BTD: variants seen among roughly 807,000 people sequenced by gnomAD.
BTD encodes the protein biocytinase.
Under a neutral mutation model 17.7 loss-of-function variants are expected in BTD, and 13 were observed. That is an observed-to-expected ratio of 0.74 (90% CI 0.48 to 1.17). The LOEUF is 1.17. Ranked by LOEUF, BTD falls within the 50% of genes most tolerant of loss-of-function variation. The pLI, the probability that BTD is intolerant of heterozygous loss-of-function variation, is 0.00. For missense variants in BTD, 674 were observed against 650.4 expected (o/e 1.04, Z -0.39); for synonymous variants, 240 against 245.2 (o/e 0.98, Z 0.20).
intron 3 of BTD, among the ~76,000 whole-genome samples, chr3:15,705,298 G>T (rs1253736181): frequency 1.3e-5 from 2 of 152,174 alleles, no homozygotes; most frequent in Non-Finnish European, 2.9e-5. Flanking sequence ...CAACACTATG[G>T]GTTGAATTAT....
At chr3:15,664,455 C>T (rs567339968) in intron 3 of BTD, among the ~76,000 whole-genome samples, 6 of 152,282 alleles carry the variant, frequency 3.9e-5, no homozygotes, top group African/African-American at 1.2e-4. Context: ...GGCAACTAAT[C>T]CAAGTTAAAA....
At chr3:15,671,887 A>G (rs1482698098) in intron 3 of BTD, among the ~76,000 whole-genome samples, 3 of 152,050 alleles carry the variant, frequency 2.0e-5, no homozygotes, top group Admixed American at 2.0e-4. Context: ...CCCAGCCTAC[A>G]GTTTAGAGTT....
At chr3:15,709,182 G>C (rs116242538) in intron 3 of BTD, among the ~76,000 whole-genome samples, 42 of 152,248 alleles carry the variant, frequency 2.8e-4, no homozygotes, top group African/African-American at 9.6e-4. Flanking sequence ...ATGTGTGTGA[G>C]AGATTTATAT....
chr3:15,708,075 C>A, intron 3 of BTD: 1 of 1,588,730 alleles, frequency 6.3e-7, no homozygotes, highest in South Asian at 1.1e-5. Flanking sequence ...CTTTTGGGTC[C>A]AAGTTAATAC....
In BTD at chr3:15,662,559, C is replaced by T. The variant is rs888891353; in HGVS notation, c.399+20502C>T. Among the ~76,000 whole-genome samples the T allele has an allele frequency of 2.6e-5, 4 of 152,270 alleles. No homozygotes were observed. In the South Asian group the frequency reaches 8.3e-4, roughly 32 times the overall value. On this transcript the variant is annotated intron_variant, in intron 3 of 3. Coordinates refer to the BTD transcript ENST00000672141. ...TGTCATTTGTGAAAATGTTTTACTTCTTCCTTTCTAACCTGCATACTTTTT... is the reference window on the plus strand; with the variant it reads ...TGTCATTTGTGAAAATGTTTTACTTTTTCCTTTCTAACCTGCATACTTTTT...
At chr3:15,661,236 A>G (rs1047564863) in intron 3 of BTD, among the ~76,000 whole-genome samples, 2 of 141,106 alleles carry the variant, frequency 1.4e-5, no homozygotes, top group African/African-American at 5.4e-5. Context: ...ACTGCACTCC[A>G]GGCTGGGCAA....
chr3:15,607,624 T>C (rs954699684), intron 1 of BTD, among the ~76,000 whole-genome samples: 2 of 152,264 alleles, frequency 1.3e-5, no homozygotes, highest in Non-Finnish European at 2.9e-5. Context: ...GAACTTGTGA[T>C]TAAGTATTCT....
intron 3 of BTD, chr3:15,677,645 T>A: frequency 3.8e-6 from 4 of 1,048,314 alleles, no homozygotes; most frequent in Admixed American, 2.5e-5. Flanking sequence ...GAAATGAAGA[T>A]ACAAAGCAAA....
intron 3 of BTD, among the ~76,000 whole-genome samples, chr3:15,709,010 T>G (rs1444794795): frequency 6.6e-6 from 1 of 152,200 alleles, no homozygotes; most frequent in African/African-American, 2.4e-5. Flanking sequence ...TCCTGTATGG[T>G]TCTAATGCAC....
At chr3:15,667,291 A>T (rs1018875611) in intron 3 of BTD, 2 of 152,202 alleles carry the variant, frequency 1.3e-5, no homozygotes, top group Non-Finnish European at 2.9e-5. Flanking sequence ...AGCCAAATTA[A>T]CCCCAAAATT....
At chr3:15,705,431 G>C (rs1244085368) in intron 3 of BTD, among the ~76,000 whole-genome samples, 1 of 152,176 alleles carries the variant, frequency 6.6e-6, no homozygotes, top group African/African-American at 2.4e-5. Flanking sequence ...TCTCTCAGCG[G>C]AATCTGGATC....
chr3:15,717,559 T>A (rs910071082), downstream of BTD, among the ~76,000 whole-genome samples: 1 of 151,854 alleles, frequency 6.6e-6, no homozygotes, highest in Non-Finnish European at 1.5e-5. Context: ...AAACCAAAAT[T>A]TAGAGCTACA....
intron 3 of BTD, among the ~76,000 whole-genome samples, chr3:15,695,916 A>C (rs1444567792): frequency 2.6e-5 from 4 of 152,228 alleles, no homozygotes; most frequent in African/African-American, 9.6e-5. Context: ...TGGGGTAATC[A>C]GTAGCCCTCT....
In BTD at chr3:15,641,936, A is replaced by G. The variant is rs1324087685; in HGVS notation, c.278A>G (p.Asp93Gly). The change falls in exon 3 of 4, where the codon GAT (aspartate) becomes GGT (glycine). Residue 93 changes from aspartate to glycine, a missense_variant. By Grantham distance (94) the Asp-to-Gly change is moderately conservative. Coordinates refer to ENST00000643237, the MANE Select transcript of BTD (RefSeq NM_001370658.1). ...KDVQIIVFPE[D>G]GIHGFNFTRT... ...GTACAGATTATAGTGTTTCCAGAAG[A>G]TGGCATTCATGGATTCAACTTTACA... The G allele has an allele frequency of 3.7e-6, 6 of 1,613,522 alleles. No homozygotes were observed. Among genetic ancestry groups the G allele is most frequent in the Non-Finnish European group, 4.2e-6 (5 of 1,179,626 alleles).
At chr3:15,659,914 GT>G (rs1238075054) in intron 3 of BTD, among the ~76,000 whole-genome samples, 1 of 152,188 alleles carries the variant, frequency 6.6e-6, no homozygotes, top group African/African-American at 2.4e-5. Flanking sequence ...GTTCAGGGAG[GT>G]TTAATTATTT....
chr3:15,641,164 A>T (rs1417251478), intron 2 of BTD, among the ~76,000 whole-genome samples: 2 of 152,188 alleles, frequency 1.3e-5, no homozygotes, highest in Non-Finnish European at 2.9e-5. Context: ...CAGCCAGGGA[A>T]CACAGGATGT....
chr3:15,685,152 T>C lies in BTD; in HGVS notation c.400-24908T>C. The C allele has an allele frequency of 2.0e-6, 3 of 1,521,440 alleles. No individual in the cohort carries two copies. In the South Asian group the frequency reaches 3.4e-5, roughly 17 times the overall value. The allele number at this position is 1,521,440 out of a possible 1,614,324, so 94.2% of individuals were successfully genotyped here. On this transcript the variant is annotated intron_variant, in intron 3 of 3. Coordinates refer to the BTD transcript ENST00000672141. ...TTTTTGCTAATTTTAAACTTAAAAT[T>C]TGCCTTATAAATATGTCATTCTTTT...
chr3:15,715,957 T>C (rs2072960143), downstream of BTD, among the ~76,000 whole-genome samples: 1 of 152,062 alleles, frequency 6.6e-6, no homozygotes, highest in African/African-American at 2.4e-5. Flanking sequence ...TCCTAATTTT[T>C]AATGTTAATA....
At chr3:15,656,420 C>T (rs114981626), downstream of BTD, among the ~76,000 whole-genome samples, 1,733 of 152,254 alleles carry the variant, frequency 0.011, 41 homozygotes, top group African/African-American at 0.039. Flanking sequence ...GCTCAGATTG[C>T]GCAGTCTGAC....
Sources: allele counts gnomAD v4.1 joint callset (sites outside exome capture counted in the v4.1 genomes callset), GRCh38; gene constraint gnomAD v4.1.1; transcripts MANE v1.5; gene names NCBI Gene and HGNC (gene_info 2026-07-23, HGNC 2026-07-21).